The following RSF1 variants were observed in gnomAD, a reference collection of about 807,000 sequenced individuals.
The protein encoded by RSF1 is HBV pX-associated protein 8.
A neutral mutation model predicts 145.2 loss-of-function variants in RSF1; 13 were observed. The ratio of observed to expected loss-of-function variants is 0.09; its 90% confidence interval spans 0.06 to 0.14. The LOEUF is 0.14. RSF1 is among the 10% of genes least tolerant of loss of function. The pLI is 1.00. For synonymous variants in RSF1, 577 were observed against 592.6 expected (o/e 0.97, Z 0.38); for missense variants, 1,517 against 1,718.2 (o/e 0.88, Z 2.07).
chr11:77,667,125 C>T lies in RSF1; in HGVS notation c.4118G>A (p.Gly1373Glu). Residue 1373 changes from glycine (G) to glutamate (E), a missense_variant, in exon 16 of 16, where the codon GGA becomes GAA. Coordinates refer to ENST00000308488, the MANE Select transcript of RSF1 (RefSeq NM_016578.4). ...YSLVDLPSTN[G>E]QSPGKAIENL... is the part of the protein sequence containing the mutation. ...CTCAATGGCTTTGCCAGGGCTCTGT[C>T]CATTGGTTGAAGGTAAGTCCACTAA... 6.2e-7 allele frequency: 1 copy of T among 1,614,202 alleles called. No individual in the cohort carries two copies. The highest frequency in any genetic ancestry group is 2.2e-5 in the East Asian group (1 of 44,874).
At chr11:77,734,540 C>T (rs927362641) in intron 4 of RSF1, 7 of 1,569,614 alleles carry the variant, frequency 4.5e-6, no homozygotes, top group African/African-American at 1.3e-5. Context: ...AAGCCAGATT[C>T]GAGTGCTCCC....
chr11:77,820,365 C>T (rs920752042), intron 1 of RSF1, among the ~76,000 whole-genome samples, 163 bp downstream of exon 1: 1 of 152,252 alleles, frequency 6.6e-6, no homozygotes, highest in African/African-American at 2.4e-5. Context: ...CTGCCCAAGA[C>T]CCCGGGGGCT....
chr11:77,811,575 T>G (rs1948731761), intron 1 of RSF1, among the ~76,000 whole-genome samples: 1 of 152,076 alleles, frequency 6.6e-6, no homozygotes, highest in Non-Finnish European at 1.5e-5. Flanking sequence ...ACGGGTACAG[T>G]GAGCAGGCAA....
Position 77,698,610 on chromosome 11 carries a change from C to A in RSF1, c.2592G>T (p.Gly864=). Residue 864 remains glycine, a synonymous_variant, in exon 7 of 16, where the codon GGG becomes GGT. Transcript: ENST00000308488. ...WKYSSNDESE[G]SGSEKSSAAS... ...CTGCAGATGATTTTTCACTGCCAGA[C>A]CCTTCACTTTCATCATTGCTGGAAT... 3 of 1,613,936 alleles carry A rather than the reference C, an allele frequency of 1.9e-6. No homozygotes were observed. In the East Asian group the frequency reaches 6.7e-5, roughly 36 times the overall value.
intron 13 of RSF1, 107 bp from the exon 14 acceptor site, chr11:77,675,363 G>GTGCA: frequency 1.3e-6 from 1 of 762,328 alleles, no homozygotes; most frequent in South Asian, 1.9e-5. Context: ...ATTAAGTATA[G>GTGCA]TGCAACATAT....
intron 1 of RSF1, among the ~76,000 whole-genome samples, chr11:77,781,653 T>G (rs553745711): frequency 2.0e-5 from 3 of 152,204 alleles, no homozygotes; most frequent in Non-Finnish European, 2.9e-5. Flanking sequence ...AAAGAATGTT[T>G]TTTTCTTTGT....
At chr11:77,677,022 C>A in intron 12 of RSF1, 23 bp from the exon 13 acceptor site, 1 of 1,578,348 alleles carries the variant, frequency 6.3e-7, no homozygotes, top group South Asian at 1.1e-5. Flanking sequence ...GAGGGAAGTT[C>A]GGGGAGAGAA....
intron 9 of RSF1, among the ~76,000 whole-genome samples, chr11:77,689,820 T>A (rs1180645333): frequency 6.6e-6 from 1 of 152,148 alleles, no homozygotes; most frequent in Non-Finnish European, 1.5e-5. Flanking sequence ...TGATTATGAA[T>A]CCCCTTTTAA....
At chr11:77,672,006 G>GTCCAAACT (rs1434454394) in intron 15 of RSF1, 36 bp downstream of exon 15, 4 of 1,548,360 alleles carry the variant, frequency 2.6e-6, no homozygotes, top group Non-Finnish European at 3.5e-6. Context: ...ATTTTGCCCT[G>GTCCAAACT]TCCAAACTTC....
chr11:77,691,351 G>T (rs1002863367), intron 8 of RSF1, 113 bp from the exon 9 acceptor site: 46 of 781,764 alleles, frequency 5.9e-5, no homozygotes, highest in Non-Finnish European at 9.1e-5. Flanking sequence ...GGACCACATA[G>T]TAAGTGAACA....
intron 5 of RSF1, among the ~76,000 whole-genome samples, chr11:77,714,632 A>G (rs1438232240): frequency 6.6e-6 from 1 of 152,208 alleles, no homozygotes; most frequent in Non-Finnish European, 1.5e-5. Flanking sequence ...ACTTGAGCGC[A>G]GGAGTTTGAG....
chr11:77,855,008 A>G, the RSF1 span, among the ~76,000 whole-genome samples: 21,912 of 152,214 alleles, frequency 0.14, 1,795 homozygotes, highest in Admixed American at 0.2. Flanking sequence ...ACCAAGGCCT[A>G]TGGCTTGCAC....
the RSF1 span, among the ~76,000 whole-genome samples, chr11:77,864,005 CA>C: frequency 6.6e-6 from 1 of 151,602 alleles, no homozygotes; most frequent in Non-Finnish European, 1.5e-5. Context: ...TGGCTCACTG[CA>C]ACCTCTGCCT....
At chr11:77,778,208 G>GGGGGAGTGGAGGGGAGGGAAGGGGA (rs1948366410) in intron 1 of RSF1, among the ~76,000 whole-genome samples, 1 of 64,880 alleles carries the variant, frequency 1.5e-5, no homozygotes, top group African/African-American at 6.1e-5. Context: ...GAAGGGGAGA[G>GGGGGAGTGGAGGGGAGGGAAGGGGA]GATGGGGAGG....
intron 1 of RSF1, among the ~76,000 whole-genome samples, chr11:77,765,986 G>A (rs1028917984): frequency 9.2e-5 from 14 of 152,158 alleles, no homozygotes; most frequent in East Asian, 1.9e-4. Context: ...GATCTCAGGC[G>A]ATCTGCCCAC....
At chr11:77,727,727 G>A (rs1402521024) in intron 4 of RSF1, among the ~76,000 whole-genome samples, 1 of 152,038 alleles carries the variant, frequency 6.6e-6, no homozygotes, top group East Asian at 1.9e-4. Flanking sequence ...TGATCTGCCT[G>A]CCTTGGCCTC....
Position 77,691,240 on chromosome 11 carries a change from TGAA to T in RSF1, c.2821-5_2821-3del, listed in dbSNP as rs1303945948. ...CTCTAATTTTTCACAGAGCAGTTTC[TGAA>T]GAAGCAAAATAGATAAAAGTCATTT... On this transcript the variant is annotated splice_region_variant and splice_polypyrimidine_tract_variant and intron_variant, in intron 8 of 15. Transcript: ENST00000308488. 1 of 1,613,860 alleles carries T rather than the reference TGAA, an allele frequency of 6.2e-7. No homozygotes were observed.
chr11:77,688,380 C>T (rs186859256), intron 9 of RSF1, among the ~76,000 whole-genome samples: 1 of 152,244 alleles, frequency 6.6e-6, no homozygotes, highest in Admixed American at 6.5e-5. Context: ...AGCTTCAGGA[C>T]ATGGGAAAAC....
upstream of RSF1, chr11:77,821,087 C>T: frequency 6.6e-6 from 3 of 454,000 alleles, no homozygotes; most frequent in Non-Finnish European, 7.8e-6. Flanking sequence ...GGCCAATGGA[C>T]GCAGAGGGGG....
Sources: gnomAD v4.1 joint callset for allele counts (sites outside exome capture counted in the v4.1 genomes callset) on GRCh38, gnomAD v4.1.1 for gene constraint, MANE v1.5 for transcripts, NCBI Gene and HGNC (gene_info 2026-07-23, HGNC 2026-07-21) for gene names.